Variants in MMP26 observed in about 807,000 individuals in gnomAD.
MMP26 encodes matrix metallopeptidase 26.
MMP26 carries 33 observed loss-of-function variants against 31.0 expected under a neutral mutation model. The observed-to-expected ratio is 1.06, with a 90% CI of 0.81 to 1.42. The LOEUF (loss-of-function observed/expected upper bound fraction) is 1.42, where lower values mean the gene tolerates loss of function less well. Among genes scored for constraint, MMP26 ranks in the 40% most tolerant of loss-of-function variants. MMP26 has a pLI of 0.00. For missense variants in MMP26, 347 were observed against 316.1 expected (o/e 1.10, Z -0.74); for synonymous variants, 122 against 114.9 (o/e 1.06, Z -0.40).
intron 2 of MMP26, among the ~76,000 whole-genome samples, chr11:4,773,295 G>A (rs143967871): frequency 7.9e-5 from 12 of 152,262 alleles, no homozygotes; most frequent in African/African-American, 2.4e-4. Context: ...TATAAGATCT[G>A]TCTTTGGTGA....
chr11:4,811,352 A>G (rs1849347545), intron 2 of MMP26, among the ~76,000 whole-genome samples: 1 of 152,038 alleles, frequency 6.6e-6, no homozygotes, highest in Non-Finnish European at 1.5e-5. Context: ...CTCACCTTCA[A>G]TCCAACCTCC....
At chr11:4,934,936 T>A (rs1002428161) in intron 2 of MMP26, among the ~76,000 whole-genome samples, 5 of 151,682 alleles carry the variant, frequency 3.3e-5, no homozygotes, top group Non-Finnish European at 5.9e-5. Context: ...TTGATCTATA[T>A]CTCTGTTTTG....
At chr11:4,985,459 T>A (rs1846872143) in intron 2 of MMP26, among the ~76,000 whole-genome samples, 1 of 152,176 alleles carries the variant, frequency 6.6e-6, no homozygotes, top group African/African-American at 2.4e-5. Context: ...TCCAAGTATA[T>A]CACATATATC....
intron 2 of MMP26, chr11:4,889,829 G>T: frequency 5.7e-6 from 1 of 175,240 alleles, no homozygotes; most frequent in East Asian, 1.4e-4. Flanking sequence ...GGTGTTGAGG[G>T]CCTTGAGCCG....
chr11:4,826,264 T>C (rs972312440), intron 2 of MMP26, among the ~76,000 whole-genome samples: 1 of 152,108 alleles, frequency 6.6e-6, no homozygotes, highest in African/African-American at 2.4e-5. Flanking sequence ...AAGACTGTTC[T>C]TTCTAGGAGT....
At chr11:4,903,031 T>G (rs148605120) in intron 2 of MMP26, among the ~76,000 whole-genome samples, 66 of 152,184 alleles carry the variant, frequency 4.3e-4, no homozygotes, top group Middle Eastern at 3.4e-3. Flanking sequence ...AAGAAATACT[T>G]AAAACAGTTA....
chr11:4,769,147 C>A, intron 2 of MMP26: 1 of 1,613,028 alleles, frequency 6.2e-7, no homozygotes. Flanking sequence ...ACAGGCTCAG[C>A]ATGTGGATGT....
chr11:4,720,290 C>T (rs1029822834), intron 1 of MMP26, among the ~76,000 whole-genome samples: 11 of 152,176 alleles, frequency 7.2e-5, no homozygotes, highest in African/African-American at 1.2e-4. Flanking sequence ...TATTGCTAAA[C>T]AAGCGTGTTC....
At chr11:4,943,581 C>T (rs148009587) in intron 2 of MMP26, 15 of 422,736 alleles carry the variant, frequency 3.5e-5, no homozygotes, top group South Asian at 1.7e-4. Context: ...GTAGCGTCTC[C>T]GGCCTCTAAT....
At chr11:4,708,605 AT>A (rs1379135417) in intron 1 of MMP26, among the ~76,000 whole-genome samples, 1 of 152,248 alleles carries the variant, frequency 6.6e-6, no homozygotes, top group Non-Finnish European at 1.5e-5. Flanking sequence ...AAAACCAAAC[AT>A]TCTTTCTATA....
rs1039477863 is a variant in MMP26 at position 4,925,053 on chromosome 11, T to G, written c.-144-63015T>G. ...ATCCTAAAAGATAACATTTATTAAA[T>G]GCATTGTGAGCCTGTTAATTTGTAA... is the stretch of plus-strand genomic sequence containing the variant. On this transcript the variant is annotated intron_variant, in intron 2 of 7. Coordinates refer to ENST00000380390, the MANE Select transcript of MMP26 (RefSeq NM_021801.5). Among the ~76,000 whole-genome samples, 14 of 152,348 alleles carry G rather than the reference T, an allele frequency of 9.2e-5. No individual in the cohort carries two copies. In the East Asian group the frequency reaches 2.7e-3, roughly 29 times the overall value.
At chr11:4,848,428 G>A (rs113028061) in intron 2 of MMP26, 2 of 1,613,752 alleles carry the variant, frequency 1.2e-6, no homozygotes, top group Non-Finnish European at 1.7e-6. Context: ...AGGATCATAG[G>A]GATATAGAAG....
intron 2 of MMP26, among the ~76,000 whole-genome samples, chr11:4,785,566 A>G (rs1848931062): frequency 6.6e-6 from 1 of 152,198 alleles, no homozygotes; most frequent in African/African-American, 2.4e-5. Context: ...GACTTTACTT[A>G]CATGACTTTT....
At chr11:4,757,861 T>C (rs1848523555) in intron 1 of MMP26, among the ~76,000 whole-genome samples, 1 of 151,702 alleles carries the variant, frequency 6.6e-6, no homozygotes, top group Non-Finnish European at 1.5e-5. Context: ...TACCAAGTGT[T>C]GATAAGCATG....
chr11:4,800,814 T>G (rs1475836010), intron 2 of MMP26, among the ~76,000 whole-genome samples: 3 of 151,352 alleles, frequency 2.0e-5, no homozygotes, highest in Non-Finnish European at 4.4e-5. Context: ...TCTTGCATGG[T>G]TTGCTGCTTA....
rs546902304 is a variant in MMP26, at chr11:4,974,652, C to T, written c.-144-13416C>T. Among the ~76,000 whole-genome samples, 23 of 152,134 alleles carry T rather than the reference C, an allele frequency of 1.5e-4. No homozygotes were observed. In the South Asian group the frequency reaches 4.8e-3, roughly 32 times the overall value. On this transcript the variant is annotated intron_variant, in intron 2 of 7. Transcript: ENST00000380390. ...CTGTTCTTTCTCTTTTTGTCTGTTT[C>T]CTCACTACCATAGATTTCGGAGTGC...
intron 2 of MMP26, among the ~76,000 whole-genome samples, chr11:4,975,065 C>T (rs1846718955): frequency 6.6e-6 from 1 of 151,970 alleles, no homozygotes; most frequent in South Asian, 2.1e-4. Flanking sequence ...CACAAGTTTA[C>T]CTATGTGACA....
intron 2 of MMP26, chr11:4,915,166 A>T: frequency 6.2e-7 from 1 of 1,614,094 alleles, no homozygotes; most frequent in Non-Finnish European, 8.5e-7. Context: ...TTTTGAGCAT[A>T]AAAGGTAATG....
At chr11:4,759,354 T>C (rs894805351) in intron 1 of MMP26, among the ~76,000 whole-genome samples, 1 of 152,128 alleles carries the variant, frequency 6.6e-6, no homozygotes, top group African/African-American at 2.4e-5. Context: ...TTTCAAGCAC[T>C]TAAGACTTCA....
Sources: allele counts gnomAD v4.1 joint callset (sites outside exome capture counted in the v4.1 genomes callset), GRCh38; gene constraint gnomAD v4.1.1; transcripts MANE v1.5; gene names NCBI Gene and HGNC (gene_info 2026-07-23, HGNC 2026-07-21).